The following TPTE2 variants were observed in gnomAD, a reference collection of about 807,000 sequenced individuals.
The protein encoded by TPTE2 is phosphatidylinositol 3,4,5-trisphosphate 3-phosphatase TPTE2.
TPTE2 carries 53 observed loss-of-function variants against 78.6 expected under a neutral mutation model. The ratio of observed to expected loss-of-function variants is 0.67; its 90% CI spans 0.54 to 0.85. The LOEUF (loss-of-function observed/expected upper bound fraction) is 0.85. Ranked by LOEUF, TPTE2 falls within the 40% of genes least tolerant of loss-of-function variation. TPTE2 has a pLI of 0.00. For synonymous variants in TPTE2, 175 were observed against 206.2 expected (o/e 0.85, Z 1.30); for missense variants, 461 against 623.0 (o/e 0.74, Z 2.77).
At chr13:19,456,981 T>A (rs1869372852) in intron 10 of TPTE2, among the ~76,000 whole-genome samples, 1 of 152,154 alleles carries the variant, frequency 6.6e-6, no homozygotes, top group Non-Finnish European at 1.5e-5. Context: ...GTATAGACAG[T>A]CATAACAAAA....
At chr13:19,561,445 T>G in the TPTE2 span, among the ~76,000 whole-genome samples, 8 of 152,034 alleles carry the variant, frequency 5.3e-5, no homozygotes, top group Non-Finnish European at 8.8e-5. Context: ...TTTGGGAAGT[T>G]GCCTAAAGTT....
intron 3 of TPTE2, among the ~76,000 whole-genome samples, chr13:19,487,954 C>A (rs1880757325): frequency 6.6e-6 from 1 of 152,184 alleles, no homozygotes; most frequent in South Asian, 2.1e-4. Context: ...TTTGTGATGG[C>A]AGTGGGGTGA....
chr13:19,473,985 C>T (rs752471631), exon 6 of TPTE2: 1 of 1,609,284 alleles, frequency 6.2e-7, no homozygotes, highest in Non-Finnish European at 8.5e-7. Flanking sequence ...TAGAACGATA[C>T]TCCAAAGGAA....
intron 4 of TPTE2, among the ~76,000 whole-genome samples, chr13:19,481,347 G>T (rs1005245172): frequency 4.6e-5 from 7 of 152,110 alleles, no homozygotes; most frequent in African/African-American, 1.7e-4. Flanking sequence ...CCAGTACATA[G>T]ATTGCATCAT....
At chr13:19,554,320 A>G in the TPTE2 span, among the ~76,000 whole-genome samples, 5 of 152,006 alleles carry the variant, frequency 3.3e-5, no homozygotes. Context: ...GCTTGCAGTG[A>G]GCCAAGATCG....
At chr13:19,532,909 C>CA (rs1380679702) in intron 1 of TPTE2, among the ~76,000 whole-genome samples, 7 of 152,288 alleles carry the variant, frequency 4.6e-5, no homozygotes, top group East Asian at 1.9e-4. Context: ...GGCAGAGTGA[C>CA]TTAAAGCAGG....
At chr13:19,542,002 T>A in the TPTE2 span, among the ~76,000 whole-genome samples, 1 of 152,188 alleles carries the variant, frequency 6.6e-6, no homozygotes, top group Non-Finnish European at 1.5e-5. Context: ...CAAATTTCTT[T>A]AATGATTATT....
the TPTE2 span, among the ~76,000 whole-genome samples, chr13:19,545,245 G>C: frequency 1.3e-5 from 2 of 152,158 alleles, no homozygotes; most frequent in Non-Finnish European, 2.9e-5. Flanking sequence ...AAAGCCTTAA[G>C]AAGAGAGGAA....
chr13:19,522,547 C>G (rs532802955), intron 1 of TPTE2, among the ~76,000 whole-genome samples: 110 of 151,404 alleles, frequency 7.3e-4, no homozygotes, highest in African/African-American at 2.4e-3. Context: ...TGTCTTCTGA[C>G]AGCAAGCAGG....
chr13:19,433,850 G>A lies in TPTE2; in HGVS notation c.1117-1272C>T, dbSNP rs114276867. ...TTGCAGCCTTTGGTGTGCTGGTTCT[G>A]GACTAAAGTTAGGGAAACTATGCAT... On this transcript the variant is annotated intron_variant, in intron 15 of 19. Coordinates refer to ENST00000400230, the Ensembl canonical transcript of TPTE2. 3.3e-3 allele frequency among the ~76,000 whole-genome samples: 508 copies of A among 152,306 alleles called. 4 individuals are homozygous for A. The highest frequency in any genetic ancestry group is 0.012 in the African/African-American group (484 of 41,548).
intron 4 of TPTE2, among the ~76,000 whole-genome samples, chr13:19,481,129 T>C (rs2137609638): frequency 6.6e-6 from 1 of 152,344 alleles, no homozygotes; most frequent in South Asian, 2.1e-4. Flanking sequence ...AAAAAGTATA[T>C]GCCTAAAGAA....
intron 13 of TPTE2, among the ~76,000 whole-genome samples, chr13:19,443,008 A>G (rs1877591011): frequency 6.6e-6 from 1 of 152,182 alleles, no homozygotes; most frequent in African/African-American, 2.4e-5. Context: ...CCCAGAGAAT[A>G]AAAACAGAGA....
rs1880653224 is a variant in TPTE2 at position 19,486,216 on chromosome 13, C to T, written c.120-3669G>A. Among the ~76,000 whole-genome samples the T allele has an allele frequency of 6.6e-6, 1 of 152,022 alleles. No homozygotes were observed. The highest frequency in any genetic ancestry group is 2.4e-5 in the African/African-American group (1 of 41,390). ...TCGGATGTCAGTTCATTGGGGTATA[C>T]TGGCCTTGGTTCTACATGGATGCAG... On this transcript the variant is annotated intron_variant, in intron 3 of 19. Transcript: ENST00000400230. The surrounding 1 kb of genome is among the most constrained non-coding windows in gnomAD (Gnocchi z 4.3).
At chr13:19,460,420 T>A (rs1878814487) in intron 10 of TPTE2, among the ~76,000 whole-genome samples, 1 of 152,372 alleles carries the variant, frequency 6.6e-6, no homozygotes, top group South Asian at 2.1e-4. Flanking sequence ...AACCTGGTTA[T>A]CTCAGTTGAA....
chr13:19,436,673 C>T (rs1352044871), intron 14 of TPTE2, among the ~76,000 whole-genome samples: 2 of 152,164 alleles, frequency 1.3e-5, no homozygotes, highest in South Asian at 2.1e-4. Flanking sequence ...CCTCAGCCTC[C>T]CAAAGTGCTG....
chr13:19,532,051 A>G (rs1281230729), intron 1 of TPTE2, among the ~76,000 whole-genome samples: 1 of 152,202 alleles, frequency 6.6e-6, no homozygotes, highest in Admixed American at 6.5e-5. Flanking sequence ...TGCTACTTTT[A>G]TTATGAACAA....
intron 1 of TPTE2, among the ~76,000 whole-genome samples, chr13:19,527,984 G>T (rs1448263259): frequency 6.6e-6 from 1 of 152,144 alleles, no homozygotes; most frequent in Non-Finnish European, 1.5e-5. Context: ...AAGGCACTGG[G>T]GTTTCAGGAC....
chr13:19,472,030 T>G lies in TPTE2; in HGVS notation c.392+1884A>C, dbSNP rs559083381. On this transcript the variant is annotated intron_variant, in intron 6 of 19. Transcript: ENST00000400230. ...CCTGAAACGTTTCTACTAAAGAGTC[T>G]GCTGCCAGATATATTGTAGCTCCAT... Among the ~76,000 whole-genome samples the G allele has an allele frequency of 1.4e-4, 21 of 152,350 alleles. No individual in the cohort carries two copies. The South Asian group carries it at 3.9e-3, about 29-fold the overall frequency.
chr13:19,436,138 G>C lies in TPTE2; in HGVS notation c.1116+88C>G, dbSNP rs1483113331. The C allele has an allele frequency of 3.6e-6, 4 of 1,109,588 alleles. No individual in the cohort carries two copies. In the African/African-American group the frequency reaches 6.3e-5, roughly 17 times the overall value. The allele number at this position is 1,109,588 out of a possible 1,614,324, so 68.7% of individuals were successfully genotyped here. The stretch of plus-strand genomic sequence containing the variant: ...AACTGCTGCTGCCTGATCACCAAAG[G>C]AGAAGAGTCTAAAATGAAACCAAAT... On this transcript the variant is annotated intron_variant, in intron 15 of 19. Transcript: ENST00000400230.
Sources: gnomAD v4.1 joint callset for allele counts (sites outside exome capture counted in the v4.1 genomes callset) on GRCh38, gnomAD v4.1.1 for gene constraint, Gnocchi (gnomAD v3.1) non-coding constraint, MANE v1.5 for transcripts, NCBI Gene and HGNC (gene_info 2026-07-23, HGNC 2026-07-21) for gene names.